Variants in PRKDC observed in about 807,000 individuals in gnomAD.
The protein encoded by PRKDC is protein kinase, DNA-activated, catalytic subunit.
PRKDC carries 82 observed loss-of-function variants against 486.9 expected under a neutral mutation model. The observed-to-expected ratio is 0.17, with a 90% CI of 0.14 to 0.20. The LOEUF (loss-of-function observed/expected upper bound fraction) is 0.20, where lower values mean the gene tolerates loss of function less well. Ranked by LOEUF, PRKDC falls within the 10% of genes least tolerant of loss-of-function variation. The pLI is 1.00. For missense variants in PRKDC, 4,504 were observed against 5,038.2 expected (o/e 0.89, Z 3.21); for synonymous variants, 1,895 against 1,837.0 (o/e 1.03, Z -0.81).
intron 40 of PRKDC, among the ~76,000 whole-genome samples, chr8:47,875,273 C>T (rs963816796): frequency 1.3e-5 from 2 of 152,174 alleles, no homozygotes; most frequent in Non-Finnish European, 2.9e-5. Context: ...AATCTTCTTA[C>T]AGTTTCTGAG....
chr8:47,785,391 T>C (rs1236439278), intron 76 of PRKDC, 74 bp from the exon 77 acceptor site: 2 of 1,136,660 alleles, frequency 1.8e-6, no homozygotes, highest in East Asian at 5.1e-5. Flanking sequence ...AGCTTATAAG[T>C]GTAATGAATG....
At position 47,960,106 on chromosome 8, in the gene PRKDC, A is replaced by G; in HGVS notation, c.21T>C (p.Gly7=). The change falls in exon 1 of 86, where the codon GGT becomes GGC. Residue 7 remains glycine, a synonymous_variant. Coordinates refer to ENST00000314191, the MANE Select transcript of PRKDC (RefSeq NM_006904.7). MAGSGA[G]VRCSLLRLQE... Reference sequence around the variant, plus strand: ...GCAGCCGCAGCAGGGAGCAACGCACACCGGCTCCGGAGCCCGCCATGCCGC... The same window carrying G: ...GCAGCCGCAGCAGGGAGCAACGCACGCCGGCTCCGGAGCCCGCCATGCCGC... 1 of 1,510,898 alleles carries G rather than the reference A, an allele frequency of 6.6e-7. No homozygotes were observed. The highest frequency in any genetic ancestry group is 8.8e-7 in the Non-Finnish European group (1 of 1,134,256). 93.6% of individuals were successfully genotyped at this position (1,510,898 alleles called of 1,614,324 possible). A position where few individuals can be genotyped will look rare whatever the true frequency, so the allele number is the denominator to read the frequency against.
intron 40 of PRKDC, among the ~76,000 whole-genome samples, chr8:47,871,079 A>C (rs2154501012): frequency 6.6e-6 from 1 of 152,318 alleles, no homozygotes; most frequent in East Asian, 1.9e-4. Flanking sequence ...GCATACCTAC[A>C]AGATCTAGAA....
chr8:47,788,536 G>A (rs1007509315), intron 76 of PRKDC, among the ~76,000 whole-genome samples: 8 of 152,148 alleles, frequency 5.3e-5, no homozygotes, highest in African/African-American at 1.4e-4. Context: ...ACTGTGCCCC[G>A]AACTAAGTGC....
intron 31 of PRKDC, 98 bp from the exon 32 acceptor site, chr8:47,890,578 T>C (rs2089437544): frequency 1.1e-6 from 1 of 869,856 alleles, no homozygotes; most frequent in Non-Finnish European, 1.7e-6. Context: ...TGGTATACGT[T>C]CAGCAAAAAT....
At position 47,955,957 on chromosome 8, in the gene PRKDC, T is replaced by C. The variant is rs376140051; in HGVS notation, c.325-9A>G. On this transcript the variant is annotated splice_polypyrimidine_tract_variant and intron_variant, in intron 3 of 85. Coordinates refer to ENST00000314191, the MANE Select transcript of PRKDC (RefSeq NM_006904.7). Reference sequence around the variant, plus strand: ...ACACTGGTACAAGTGTTCTAGGTTTTAAAAAAAAAATAACCAAAATCATCA... The same window carrying C: ...ACACTGGTACAAGTGTTCTAGGTTTCAAAAAAAAAATAACCAAAATCATCA... 2.2e-5 allele frequency: 32 copies of C among 1,441,992 alleles called. No homozygotes were observed. The African/African-American group carries it at 3.9e-4, about 17-fold the overall frequency. The allele number at this position is 1,441,992 out of a possible 1,614,324, so 89.3% of individuals were successfully genotyped here. A position where few individuals can be genotyped will look rare whatever the true frequency, so the allele number is the denominator to read the frequency against.
chr8:47,915,936 G>C lies in PRKDC; in HGVS notation c.2527-518C>G, dbSNP rs2089975661. 2.0e-5 allele frequency among the ~76,000 whole-genome samples: 3 copies of C among 152,192 alleles called. No individual in the cohort carries two copies. In the South Asian group the frequency reaches 6.2e-4, roughly 31 times the overall value. On this transcript the variant is annotated intron_variant, in intron 22 of 85. Transcript: ENST00000314191. ...AAAGGTTAGTTACAATGTCGAATCT[G>C]AATTCTTATCATGAACTCTACGTAC...
Position 47,778,491 on chromosome 8 carries a change from C to T in PRKDC, c.11821G>A (p.Asp3941Asn). 1 of 1,613,430 alleles carries T rather than the reference C, an allele frequency of 6.2e-7. No individual in the cohort carries two copies. The highest frequency in any genetic ancestry group is 8.5e-7 in the Non-Finnish European group (1 of 1,179,704). The change falls in exon 83 of 86, where the codon GAC becomes AAC. Residue 3941 changes from aspartate to asparagine, a missense_variant. Coordinates refer to ENST00000314191, the MANE Select transcript of PRKDC (RefSeq NM_006904.7). ...AMETGGVIGI[D>N]FGHAFGSATQ... ...GCGGATCCAAACGCATGCCCAAAGTCGATCCCGATCACGCCGCCAGTCTCC... is the reference window on the plus strand; with the variant it reads ...GCGGATCCAAACGCATGCCCAAAGTTGATCCCGATCACGCCGCCAGTCTCC...
At chr8:47,780,438 C>A (rs1459911459) in intron 80 of PRKDC, among the ~76,000 whole-genome samples, 1 of 152,186 alleles carries the variant, frequency 6.6e-6, no homozygotes, top group Non-Finnish European at 1.5e-5. Flanking sequence ...CAATGTGATA[C>A]ACGTATGTTT....
chr8:47,825,236 T>C (rs1170842436), intron 63 of PRKDC, among the ~76,000 whole-genome samples: 1 of 151,798 alleles, frequency 6.6e-6, no homozygotes, highest in Non-Finnish European at 1.5e-5. Flanking sequence ...GGCCATGACA[T>C]ATCAAAAAAA....
Position 47,802,708 on chromosome 8 carries a change from A to C in PRKDC, c.9922+598T>G, listed in dbSNP as rs2087134948. Among the ~76,000 whole-genome samples, 4 of 151,554 alleles carry C rather than the reference A, an allele frequency of 2.6e-5. 1 individual carries two copies. The South Asian group carries it at 8.3e-4, about 32-fold the overall frequency. ...TTCTCTGTCGTCCAGGGTGGAGTGC[A>C]GTGGCGTGATCTCAGTTCACTGCAA... On this transcript the variant is annotated intron_variant, in intron 70 of 85. Transcript: ENST00000314191.
intron 30 of PRKDC, 96 bp from the exon 31 acceptor site, chr8:47,893,483 T>G (rs1455316213): frequency 3.1e-6 from 4 of 1,277,546 alleles, no homozygotes; most frequent in East Asian, 2.8e-5. Context: ...GGGACAATCT[T>G]TTTTCATTTT....
intron 40 of PRKDC, among the ~76,000 whole-genome samples, chr8:47,866,806 C>T (rs1016153890): frequency 6.6e-6 from 1 of 152,166 alleles, no homozygotes; most frequent in African/African-American, 2.4e-5. Context: ...AATGTACTTA[C>T]CTTTTCATCT....
At chr8:47,878,846 G>C (rs541853413) in intron 39 of PRKDC, among the ~76,000 whole-genome samples, 74 of 152,108 alleles carry the variant, frequency 4.9e-4, no homozygotes, top group Admixed American at 7.2e-4. Flanking sequence ...CAAAACAAAA[G>C]AAAACAAAAC....
intron 73 of PRKDC, 103 bp downstream of exon 73, chr8:47,798,134 G>T: frequency 8.3e-7 from 1 of 1,208,326 alleles, no homozygotes; most frequent in Non-Finnish European, 1.1e-6. Context: ...GCTGGGAAAA[G>T]CTATAATACA....
intron 61 of PRKDC, among the ~76,000 whole-genome samples, chr8:47,830,006 C>T (rs185990114): frequency 9.3e-4 from 142 of 152,244 alleles, no homozygotes; most frequent in African/African-American, 3.3e-3. Context: ...CTAGAAGCAC[C>T]GCACTACCCA....
intron 67 of PRKDC, 38 bp from the exon 68 acceptor site, chr8:47,817,599 C>CA (rs1392827825): frequency 4.8e-6 from 6 of 1,253,824 alleles, no homozygotes; most frequent in Admixed American, 2.0e-5. Context: ...ACACACAGCT[C>CA]AATTATAAGA....
intron 73 of PRKDC, 66 bp from the exon 74 acceptor site, chr8:47,794,567 A>G: frequency 3.0e-6 from 4 of 1,318,004 alleles, no homozygotes; most frequent in South Asian, 1.5e-5. Context: ...TAAAAGTAAC[A>G]TATGTCCAAA....
rs755176128 is a variant in PRKDC at position 47,778,524 on chromosome 8, C to T, written c.11788G>A (p.Val3930Met). The T allele has an allele frequency of 1.9e-6, 3 of 1,613,782 alleles. No individual in the cohort carries two copies. The highest frequency in any genetic ancestry group is 3.3e-5 in the Admixed American group (2 of 59,992). Residue 3930 changes from valine to methionine, a missense_variant, in exon 83 of 86, where the codon GTG becomes ATG. Physicochemically the swap from Val to Met is conservative, Grantham distance 21. Coordinates refer to ENST00000314191, the MANE Select transcript of PRKDC (RefSeq NM_006904.7). ...ATCACGCCGCCAGTCTCCATGGCCA[C>T]CATAAAGTTGTTCAGATGTCTGTCT... ...IGDRHLNNFMVAMETGGVIGI... is the reference protein window; with the variant it reads ...IGDRHLNNFMMAMETGGVIGI...
Sources: allele counts gnomAD v4.1 joint callset (sites outside exome capture counted in the v4.1 genomes callset), GRCh38; gene constraint gnomAD v4.1.1; transcripts MANE v1.5; gene names NCBI Gene and HGNC (gene_info 2026-07-23, HGNC 2026-07-21).